Variants in LMX1B observed in about 807,000 individuals in gnomAD.
LMX1B encodes the protein LIM homeobox transcription factor 1-beta.
A neutral mutation model predicts 51.4 loss-of-function variants in LMX1B; 12 were observed. The ratio of observed to expected loss-of-function variants is 0.23; its 90% CI spans 0.15 to 0.38. The LOEUF is 0.38. LMX1B is among the 10% of genes least tolerant of loss of function. The pLI, the probability that LMX1B is intolerant of heterozygous loss-of-function variation, is 1.00. For missense variants in LMX1B, 445 were observed against 571.1 expected (o/e 0.78, Z 2.25); for synonymous variants, 237 against 235.4 (o/e 1.01, Z -0.06).
chr9:126,619,732 G>T (rs1835373507), intron 2 of LMX1B, among the ~76,000 whole-genome samples: 1 of 152,168 alleles, frequency 6.6e-6, no homozygotes, highest in Admixed American at 6.5e-5. Flanking sequence ...CTGAACGGAG[G>T]CATTATTCAC....
At position 126,673,926 on chromosome 9, in the gene LMX1B, G is replaced by A. The variant is rs1420125109; in HGVS notation, c.327-16910G>A. On this transcript the variant is annotated intron_variant, in intron 2 of 7. Coordinates refer to ENST00000373474, the MANE Select transcript of LMX1B (RefSeq NM_001174147.2). The surrounding 1 kb of genome is among the most constrained non-coding windows in gnomAD (Gnocchi z 4.4). ...TCTGCGGCCGTGGCCAGGTACACAGGCCTGTTTGGACAGCTGCCTTGTCTG... is the reference window on the plus strand; with the variant it reads ...TCTGCGGCCGTGGCCAGGTACACAGACCTGTTTGGACAGCTGCCTTGTCTG... Among the ~76,000 whole-genome samples the A allele has an allele frequency of 1.3e-5, 2 of 152,186 alleles. No individual in the cohort carries two copies. The highest frequency in any genetic ancestry group is 4.8e-5 in the African/African-American group (2 of 41,440).
At chr9:126,687,894 C>T (rs1483652639) in intron 2 of LMX1B, among the ~76,000 whole-genome samples, 1 of 152,120 alleles carries the variant, frequency 6.6e-6, no homozygotes, top group Non-Finnish European at 1.5e-5. Context: ...AATGGGGGCT[C>T]ACAGAGAAGA....
At chr9:126,696,044 C>A in intron 7 of LMX1B, 41 bp downstream of exon 7, 1 of 1,455,850 alleles carries the variant, frequency 6.9e-7, no homozygotes, top group Non-Finnish European at 9.1e-7. Flanking sequence ...CAGCACAGCC[C>A]CTGCCCCCTG....
chr9:126,667,852 A>G (rs991909633), intron 2 of LMX1B, among the ~76,000 whole-genome samples: 6 of 152,238 alleles, frequency 3.9e-5, no homozygotes, highest in Non-Finnish European at 5.9e-5. Flanking sequence ...GCCTGCCCAC[A>G]GTAGCTGCTC....
intron 2 of LMX1B, among the ~76,000 whole-genome samples, chr9:126,646,894 G>A (rs1564153968): frequency 6.7e-6 from 1 of 150,068 alleles, no homozygotes; most frequent in Non-Finnish European, 1.5e-5. Context: ...TAACAAGGGG[G>A]TAGGGGGTGG....
Position 126,658,623 on chromosome 9 carries a change from C to T in LMX1B, c.327-32213C>T, listed in dbSNP as rs1296336030. Among the ~76,000 whole-genome samples, 1 of 152,250 alleles carries T rather than the reference C, an allele frequency of 6.6e-6. No homozygotes were observed. The highest frequency in any genetic ancestry group is 2.4e-5 in the African/African-American group (1 of 41,462). On this transcript the variant is annotated intron_variant, in intron 2 of 7. Transcript: ENST00000373474. This position sits in a 1 kb window ranked among gnomAD's most constrained non-coding sequence, Gnocchi z 4.0. ...TTTAAAGGCAGGCGGCCGCACCCGGCAGCGTTATTACCTTGTCATAAATAG... is the reference window on the plus strand; with the variant it reads ...TTTAAAGGCAGGCGGCCGCACCCGGTAGCGTTATTACCTTGTCATAAATAG...
chr9:126,637,848 G>T (rs1045803526), intron 2 of LMX1B, among the ~76,000 whole-genome samples: 3 of 88,016 alleles, frequency 3.4e-5, no homozygotes, highest in Non-Finnish European at 6.5e-5. Context: ...CCCGCTCTCT[G>T]TACTGGGAAC....
rs1326750868 is a variant in LMX1B, at chr9:126,699,432, G to A, written c.*2981G>A. 6.6e-6 allele frequency: 1 copy of A among 152,252 alleles called. No homozygotes were observed. The highest frequency in any genetic ancestry group is 2.4e-5 in the African/African-American group (1 of 41,456). 9.4% of individuals were successfully genotyped at this position (152,252 alleles called of 1,614,324 possible). ...GAATCCAGCCGGGACCCCATGCCAG[G>A]AGCTGGTCTAGGGACAGCATGCTTG... is the stretch of plus-strand genomic sequence containing the variant. On this transcript the variant is annotated 3_prime_UTR_variant, in exon 8 of 8. Transcript: ENST00000373474.
chr9:126,694,953 C>T (rs1465532545), intron 6 of LMX1B, among the ~76,000 whole-genome samples: 2 of 152,142 alleles, frequency 1.3e-5, no homozygotes, highest in African/African-American at 4.8e-5. Flanking sequence ...TGCCCTGCTC[C>T]TCCCCACCCT....
chr9:126,628,337 G>C (rs1306852841), intron 2 of LMX1B, among the ~76,000 whole-genome samples: 1 of 152,248 alleles, frequency 6.6e-6, no homozygotes. Flanking sequence ...TCCTCCACAT[G>C]TTGCAGGCCG....
chr9:126,691,317 C>A (rs1354182842), intron 3 of LMX1B, among the ~76,000 whole-genome samples: 1 of 152,100 alleles, frequency 6.6e-6, no homozygotes, highest in African/African-American at 2.4e-5. Context: ...TATGTGTGAT[C>A]ACATGTGTGC....
chr9:126,659,389 G>A (rs908865989), intron 2 of LMX1B, among the ~76,000 whole-genome samples: 1 of 152,268 alleles, frequency 6.6e-6, no homozygotes, highest in Non-Finnish European at 1.5e-5. Context: ...CTGTCCCCAG[G>A]AGGCTGTCCT....
At chr9:126,637,367 G>C (rs978696365) in intron 2 of LMX1B, among the ~76,000 whole-genome samples, 5 of 152,140 alleles carry the variant, frequency 3.3e-5, no homozygotes, top group African/African-American at 1.2e-4. Context: ...GTCACCCTCT[G>C]TGCCTGTGGC....
chr9:126,646,044 G>T (rs1300358638), intron 2 of LMX1B, among the ~76,000 whole-genome samples: 6 of 152,190 alleles, frequency 3.9e-5, no homozygotes, highest in African/African-American at 1.4e-4. Context: ...TATTAAACCA[G>T]GGGAAAGGGT....
At position 126,615,437 on chromosome 9, in the gene LMX1B, A is replaced by C; in HGVS notation, c.194A>C (p.Asp65Ala). 6.2e-7 allele frequency: 1 copy of C among 1,608,832 alleles called. No homozygotes were observed. The highest frequency in any genetic ancestry group is 8.5e-7 in the Non-Finnish European group (1 of 1,177,898). The change falls in exon 2 of 8, where the codon GAC becomes GCC. Residue 65 changes from aspartate to alanine, a missense_variant. Around this residue, in one of 3 missense-constraint regions of LMX1B, gnomAD observed 273 missense variants for 343.3 expected, o/e 0.80. Transcript: ENST00000373474. This position sits in a 1 kb window ranked among gnomAD's most constrained non-coding sequence, Gnocchi z 6.0. ...GAGGGCTGCCAGCGGCCCATCTCCGACCGCTTCCTGATGCGAGTCAACGAG... is the reference window on the plus strand; with the variant it reads ...GAGGGCTGCCAGCGGCCCATCTCCGCCCGCTTCCTGATGCGAGTCAACGAG... Reference protein sequence around the residue: ...VCEGCQRPISDRFLMRVNESS... With the variant: ...VCEGCQRPISARFLMRVNESS...
chr9:126,650,982 C>T (rs184827550), intron 2 of LMX1B, among the ~76,000 whole-genome samples: 1,611 of 152,204 alleles, frequency 0.011, 15 homozygotes, highest in Non-Finnish European at 0.016. Flanking sequence ...TAAAGATAAA[C>T]GGAATTGTTT....
In LMX1B at chr9:126,634,446, C is replaced by T. The variant is rs148296577; in HGVS notation, c.326+18877C>T. Among the ~76,000 whole-genome samples the T allele has an allele frequency of 2.0e-3, 301 of 152,294 alleles. 1 individual carries two copies. Among genetic ancestry groups the T allele is most frequent in the African/African-American group, 6.9e-3 (288 of 41,554 alleles). Reference sequence around the variant, plus strand: ...GCATGGGGAAGAAAACGCTCCAGGTCCTGCCCTCGGCTGCCACCATGGTGC... The same window carrying T: ...GCATGGGGAAGAAAACGCTCCAGGTTCTGCCCTCGGCTGCCACCATGGTGC... On this transcript the variant is annotated intron_variant, in intron 2 of 7. Transcript: ENST00000373474.
intron 2 of LMX1B, among the ~76,000 whole-genome samples, chr9:126,670,623 G>C (rs1417189605): frequency 6.6e-6 from 1 of 152,174 alleles, no homozygotes; most frequent in African/African-American, 2.4e-5. Context: ...ATGTGTGAGT[G>C]GACACGGGTG....
chr9:126,643,603 G>C lies in LMX1B; in HGVS notation c.326+28034G>C, dbSNP rs377029359. Among the ~76,000 whole-genome samples, 8 of 152,128 alleles carry C rather than the reference G, an allele frequency of 5.3e-5. No homozygotes were observed. The East Asian group carries it at 5.8e-4, about 11-fold the overall frequency. On this transcript the variant is annotated intron_variant, in intron 2 of 7. Transcript: ENST00000373474. ...TACATAGCAATCATTCATTATCCCA[G>C]CTGGGACACTTTTGGGCAAAAGGGG...
Sources: gnomAD v4.1 joint callset for allele counts (sites outside exome capture counted in the v4.1 genomes callset) on GRCh38, gnomAD v4.1.1 for gene constraint, gnomAD v4.1.1 regional missense constraint, Gnocchi (gnomAD v3.1) non-coding constraint, MANE v1.5 for transcripts, NCBI Gene and HGNC (gene_info 2026-07-23, HGNC 2026-07-21) for gene names.